Variants in COL9A1 observed in about 807,000 individuals in gnomAD.
COL9A1 encodes the protein collagen alpha-1(IX) chain.
A neutral mutation model predicts 142.6 loss-of-function variants in COL9A1; 104 were observed. The observed-to-expected ratio is 0.73, with a 90% CI of 0.62 to 0.86. The LOEUF (loss-of-function observed/expected upper bound fraction) is 0.86. COL9A1 is among the 40% of genes least tolerant of loss of function. The pLI, the probability that COL9A1 is intolerant of heterozygous loss-of-function variation, is 0.00. For missense variants in COL9A1, 1,210 were observed against 1,176.6 expected (o/e 1.03, Z -0.42); for synonymous variants, 466 against 396.0 (o/e 1.18, Z -2.10).
intron 33 of COL9A1, among the ~76,000 whole-genome samples, chr6:70,237,038 G>T (rs920671021): frequency 5.9e-5 from 9 of 152,126 alleles, no homozygotes; most frequent in African/African-American, 2.2e-4. Context: ...GGTCAGGCTG[G>T]TCTCAAACTC....
intron 20 of COL9A1, among the ~76,000 whole-genome samples, chr6:70,257,212 C>T (rs984662083): frequency 2.0e-5 from 3 of 152,182 alleles, no homozygotes; most frequent in African/African-American, 4.8e-5. Context: ...AGGCGCACGC[C>T]GTCATGCCCA....
At chr6:70,246,776 G>C (rs1770635541) in intron 28 of COL9A1, among the ~76,000 whole-genome samples, 1 of 152,142 alleles carries the variant, frequency 6.6e-6, no homozygotes, top group African/African-American at 2.4e-5. Context: ...GCTATGATTT[G>C]AGCTACTGAG....
intron 5 of COL9A1, among the ~76,000 whole-genome samples, chr6:70,284,351 G>T (rs1040391995): frequency 1.3e-5 from 2 of 152,184 alleles, no homozygotes; most frequent in East Asian, 3.8e-4. Flanking sequence ...TTGCACACTG[G>T]AGAAGATATT....
rs1189309593 is a variant in COL9A1, at chr6:70,252,146, C to A, written c.1846G>T (p.Gly616Ter). The A allele has an allele frequency of 6.2e-7, 1 of 1,614,084 alleles. No individual in the cohort carries two copies. The highest frequency in any genetic ancestry group is 8.5e-7 in the Non-Finnish European group (1 of 1,180,002). ...GGAAGCCCCTGGGGTCCTCGGGGTC[C>A]CACCTCTCCTGGAGGCCCCTGTTGG... ...PGQQGPPGEV[G>*]PRGPQGLPGS... is the part of the protein sequence containing the mutation. The change falls in exon 28 of 38, where the codon GGA becomes TGA. Residue 616 changes from glycine (G) to a stop codon, truncating the protein, a stop_gained. Coordinates refer to ENST00000357250, the MANE Select transcript of COL9A1 (RefSeq NM_001851.6). LOFTEE classifies it high-confidence loss of function.
intron 10 of COL9A1, among the ~76,000 whole-genome samples, chr6:70,277,173 T>C (rs183570332): frequency 1.0e-3 from 152 of 152,306 alleles, no homozygotes; most frequent in African/African-American, 3.4e-3. Context: ...GCTTATCTCA[T>C]ATGGGTGTTA....
rs989047577 is a variant in COL9A1, at chr6:70,254,825, G to T, written c.1665+138C>A. On this transcript the variant is annotated intron_variant, in intron 24 of 37. Transcript: ENST00000357250. The stretch of plus-strand genomic sequence containing the variant: ...AGTAAGTATTTCATATTTGACACTT[G>T]ATTCAAAAATTAAAGGAAGGGAAAA... The T allele has an allele frequency of 3.0e-5, 25 of 833,360 alleles. No individual in the cohort carries two copies. In the African/African-American group the frequency reaches 3.9e-4, roughly 13 times the overall value. 51.6% of individuals were successfully genotyped at this position (833,360 alleles called of 1,614,324 possible).
In COL9A1 at chr6:70,267,327, G is replaced by GTT. The variant is rs61373051; in HGVS notation, c.1288-559_1288-558dup. On this transcript the variant is annotated intron_variant, in intron 17 of 37. Coordinates refer to ENST00000357250, the MANE Select transcript of COL9A1 (RefSeq NM_001851.6). Reference sequence around the variant, plus strand: ...TTGTTGTTGTTTGTTTGGTTTTTTTGTTTTTTTTTTTTGAGATGGAGCTTC... The same window carrying GTT: ...TTGTTGTTGTTTGTTTGGTTTTTTTGTTTTTTTTTTTTTTGAGATGGAGCTTC... Among the ~76,000 whole-genome samples, 4 of 127,026 alleles carry GTT rather than the reference G, an allele frequency of 3.1e-5. 1 individual carries two copies. Among genetic ancestry groups the GTT allele is most frequent in the Non-Finnish European group, 5.0e-5 (3 of 60,138 alleles). 83.3% of individuals were successfully genotyped at this position (127,026 alleles called of 152,430 possible).
chr6:70,302,013 T>C lies in COL9A1; in HGVS notation c.76A>G (p.Lys26Glu). Residue 26 changes from lysine (K) to glutamate (E), a missense_variant, in exon 2 of 38, where the codon AAG (lysine) becomes GAG (glutamate). Lys to Glu is a moderately conservative substitution (Grantham distance 56). Coordinates refer to ENST00000357250, the MANE Select transcript of COL9A1 (RefSeq NM_001851.6). ...CTATGGCCCTTACTGGGGCGACGCT[T>C]GACAGCTGCAGATGCCCAGGGTTCC... ...FLEPWASAAV[K>E]RRPRFPVNSN... 1.2e-6 allele frequency: 2 copies of C among 1,611,254 alleles called. No homozygotes were observed. Among genetic ancestry groups the C allele is most frequent in the Non-Finnish European group, 1.7e-6 (2 of 1,178,902 alleles).
intron 19 of COL9A1, among the ~76,000 whole-genome samples, chr6:70,262,011 C>A (rs1394143911): frequency 1.3e-5 from 2 of 152,106 alleles, no homozygotes; most frequent in Non-Finnish European, 2.9e-5. Context: ...CCCAATGGAC[C>A]ACTTGAGCCA....
chr6:70,297,765 A>C (rs1773896915), intron 4 of COL9A1, among the ~76,000 whole-genome samples: 1 of 152,184 alleles, frequency 6.6e-6, no homozygotes, highest in Non-Finnish European at 1.5e-5. Flanking sequence ...CCCAAAAAAG[A>C]CCGTGTTTTT....
In COL9A1 at chr6:70,268,868, G is replaced by C. The variant is rs985970366; in HGVS notation, c.1231-8C>G. On this transcript the variant is annotated splice_polypyrimidine_tract_variant and splice_region_variant and intron_variant, in intron 16 of 37. Coordinates refer to ENST00000357250, the MANE Select transcript of COL9A1 (RefSeq NM_001851.6). ...TGGACAGGCATTGGGACACTGCCAGGGAGAGAGGGAACAAAGAGAAAGAAA... is the reference window on the plus strand; with the variant it reads ...TGGACAGGCATTGGGACACTGCCAGCGAGAGAGGGAACAAAGAGAAAGAAA... 1.9e-6 allele frequency: 3 copies of C among 1,613,372 alleles called. No individual in the cohort carries two copies. The highest frequency in any genetic ancestry group is 2.7e-5 in the African/African-American group (2 of 75,004).
At position 70,283,293 on chromosome 6, in the gene COL9A1, A is replaced by T. The variant is rs1773293288; in HGVS notation, c.781-375T>A. On this transcript the variant is annotated intron_variant, in intron 6 of 37. Transcript: ENST00000357250. ...GCAGGGGAGGACGGATAGAATGACA[A>T]CAGTCGCCCTTAACCCCTTCCCTGC... The T allele has an allele frequency of 5.8e-6, 8 of 1,377,812 alleles. No individual in the cohort carries two copies. In the South Asian group the frequency reaches 9.1e-5, roughly 16 times the overall value. The allele number at this position is 1,377,812 out of a possible 1,614,324, so 85.3% of individuals were successfully genotyped here. A position where few individuals can be genotyped will look rare whatever the true frequency, so the allele number is the denominator to read the frequency against.
chr6:70,226,114 G>C, intron 36 of COL9A1, 105 bp from the exon 37 acceptor site: 1 of 991,386 alleles, frequency 1.0e-6, no homozygotes. Context: ...AAAAGGTCAT[G>C]AAATTGCCAT....
chr6:70,282,755 G>C, intron 7 of COL9A1, 143 bp downstream of exon 7: 1 of 1,252,788 alleles, frequency 8.0e-7, no homozygotes. Flanking sequence ...AGGACTCGCG[G>C]CAGGTGCTCG....
Position 70,300,355 on chromosome 6 carries a change from T to C in COL9A1, c.120A>G (p.Gly40=), listed in dbSNP as rs1365454816. The C allele has an allele frequency of 6.2e-7, 1 of 1,613,618 alleles. No individual in the cohort carries two copies. Among genetic ancestry groups the C allele is most frequent in the Non-Finnish European group, 8.5e-7 (1 of 1,179,750 alleles). Residue 40 remains glycine (G), a synonymous_variant, in exon 3 of 38, where the codon GGA becomes GGG. Coordinates refer to ENST00000357250, the MANE Select transcript of COL9A1 (RefSeq NM_001851.6). ...TCCTGATCTTTGGACAGAGTTCATT[T>C]CCACCATTAGAATTGGAATTGACAG... The part of the protein sequence containing the change: ...RFPVNSNSNG[G]NELCPKIRIG...
rs561299719 is a variant in COL9A1, at chr6:70,283,216, C to G, written c.781-298G>C. The G allele has an allele frequency of 7.9e-4, 1,157 of 1,462,746 alleles. 1 individual carries two copies. Among genetic ancestry groups the G allele is most frequent in the Non-Finnish European group, 9.9e-4 (1,106 of 1,114,772 alleles). 90.6% of individuals were successfully genotyped at this position (1,462,746 alleles called of 1,614,324 possible). A position where few individuals can be genotyped will look rare whatever the true frequency, so the allele number is the denominator to read the frequency against. Reference sequence around the variant, plus strand: ...CAGGCCCGGGAGGCGCGCGTTCCCCCTGTTTATGAATGGCCCCGGAGAGGG... The same window carrying G: ...CAGGCCCGGGAGGCGCGCGTTCCCCGTGTTTATGAATGGCCCCGGAGAGGG... On this transcript the variant is annotated intron_variant, in intron 6 of 37. Coordinates refer to ENST00000357250, the MANE Select transcript of COL9A1 (RefSeq NM_001851.6).
intron 36 of COL9A1, among the ~76,000 whole-genome samples, chr6:70,227,309 C>CA (rs1343876706): frequency 6.8e-6 from 1 of 147,024 alleles, no homozygotes; most frequent in Non-Finnish European, 1.5e-5. Flanking sequence ...AACACAACAG[C>CA]AAAAAAATGA....
rs556525747 is a variant in COL9A1, at chr6:70,273,954, A to C, written c.1065+93T>G. The C allele has an allele frequency of 3.4e-4, 212 of 615,508 alleles. No homozygotes were observed. In the African/African-American group the frequency reaches 3.9e-3, roughly 11 times the overall value. The allele number at this position is 615,508 out of a possible 1,614,324, so 38.1% of individuals were successfully genotyped here. On this transcript the variant is annotated intron_variant, in intron 12 of 37. Transcript: ENST00000357250. ...CTTAAAGTATAATAATAAATAAATA[A>C]ATAAATAAATAAATAAATAAAAAGA...
intron 25 of COL9A1, 29 bp downstream of exon 25, chr6:70,254,447 A>T: frequency 4.4e-6 from 7 of 1,604,590 alleles, no homozygotes; most frequent in Non-Finnish European, 6.0e-6. Flanking sequence ...TATATAAACC[A>T]ATTAACATGT....
Sources: gnomAD v4.1 joint callset for allele counts (sites outside exome capture counted in the v4.1 genomes callset) on GRCh38, gnomAD v4.1.1 for gene constraint, MANE v1.5 for transcripts, NCBI Gene and HGNC (gene_info 2026-07-23, HGNC 2026-07-21) for gene names.